PRKD3: variants seen among roughly 807,000 people sequenced by gnomAD.
The protein encoded by PRKD3 is protein kinase D3, also known as serine/threonine-protein kinase D3.
In PRKD3, 47 loss-of-function variants were observed where a neutral mutation model predicts 99.2. The observed-to-expected ratio is 0.47, with a 90% CI of 0.38 to 0.60. The LOEUF is 0.60. PRKD3 is among the 20% of genes least tolerant of loss of function. PRKD3 has a pLI of 0.00. For synonymous variants in PRKD3, 392 were observed against 355.4 expected, an observed-to-expected ratio of 1.10 and a Z score of -1.16; for missense variants, 1,019 against 1,088.4, an observed-to-expected ratio of 0.94 and a Z score of 0.90.
Position 37,279,848 on chromosome 2 carries a change from A to C in PRKD3, c.1070T>G (p.Leu357Trp). 2 of 1,613,216 alleles carry C rather than the reference A, an allele frequency of 1.2e-6. No homozygotes were observed. Among genetic ancestry groups the C allele is most frequent in the Non-Finnish European group, 1.7e-6 (2 of 1,179,290 alleles). ...GGGTGATGGCTCTTCTGTGTCATCCAAACCCCGACTACTATCACTATTTAT... is the reference window on the plus strand; with the variant it reads ...GGGTGATGGCTCTTCTGTGTCATCCCAACCCCGACTACTATCACTATTTAT... ...NDINSDSSRGLDDTEEPSPPE... is the reference protein window; with the variant it reads ...NDINSDSSRGWDDTEEPSPPE... The change falls in exon 8 of 19, where the codon TTG becomes TGG. Residue 357 changes from leucine to tryptophan, a missense_variant. Coordinates refer to ENST00000234179, the MANE Select transcript of PRKD3 (RefSeq NM_005813.6).
rs1225744551 is a variant in PRKD3, at chr2:37,280,052, CTCT to C, written c.989-126_989-124del. 6 of 591,770 alleles carry C rather than the reference CTCT, an allele frequency of 1.0e-5. No individual in the cohort carries two copies. In the East Asian group the frequency reaches 1.4e-4, roughly 14 times the overall value. The allele number at this position is 591,770 out of a possible 1,614,324, so 36.7% of individuals were successfully genotyped here. A position where few individuals can be genotyped will look rare whatever the true frequency, so the allele number is the denominator to read the frequency against. ...TCTTTATGAGTTAAGTAAAGTATTT[CTCT>C]TTTTTTTTTTTTTTGAGATAGAGTT... On this transcript the variant is annotated intron_variant, in intron 7 of 18. Coordinates refer to ENST00000234179, the MANE Select transcript of PRKD3 (RefSeq NM_005813.6).
At chr2:37,267,408 G>GT (rs1558535560) in intron 14 of PRKD3, 22 bp downstream of exon 14, 2 of 1,478,280 alleles carry the variant, frequency 1.4e-6, no homozygotes, top group African/African-American at 1.4e-5. Context: ...TAATAAACCA[G>GT]TTTTTTATTT....
chr2:37,279,546 T>C (rs934286463), intron 8 of PRKD3, among the ~76,000 whole-genome samples, 200 bp downstream of exon 8: 2 of 151,916 alleles, frequency 1.3e-5, no homozygotes, highest in African/African-American at 4.8e-5. Context: ...AGGATTCTCA[T>C]ACCTCCCCAT....
intron 2 of PRKD3, among the ~76,000 whole-genome samples, chr2:37,300,069 C>T (rs934554917): frequency 2.0e-5 from 3 of 152,142 alleles, no homozygotes; most frequent in Admixed American, 2.0e-4. Context: ...TATCCGCGAT[C>T]CCATGGTTAC....
chr2:37,262,505 A>G (rs1402984844), intron 14 of PRKD3, among the ~76,000 whole-genome samples: 1 of 152,256 alleles, frequency 6.6e-6, no homozygotes, highest in African/African-American at 2.4e-5. Flanking sequence ...TTTTCCAAGC[A>G]GCAAAATACA....
At position 37,253,007 on chromosome 2, in the gene PRKD3, T is replaced by G; in HGVS notation, c.*170A>C. On this transcript the variant is annotated 3_prime_UTR_variant, in exon 19 of 19. Coordinates refer to ENST00000234179, the MANE Select transcript of PRKD3 (RefSeq NM_005813.6). ...CCATTATGACTTCTTATTATTCAGT[T>G]TCCCGCCTGTACCTACTCATTATGA... is the stretch of plus-strand genomic sequence containing the variant. The G allele has an allele frequency of 1.8e-6, 1 of 543,876 alleles. No individual in the cohort carries two copies. Among genetic ancestry groups the G allele is most frequent in the Non-Finnish European group, 2.9e-6 (1 of 348,568 alleles). The allele number at this position is 543,876 out of a possible 1,614,324, so 33.7% of individuals were successfully genotyped here. A position where few individuals can be genotyped will look rare whatever the true frequency, so the allele number is the denominator to read the frequency against.
In PRKD3 at chr2:37,286,214, T is replaced by C; in HGVS notation, c.873A>G (p.Leu291=). The C allele has an allele frequency of 1.2e-6, 2 of 1,613,690 alleles. No individual in the cohort carries two copies. The highest frequency in any genetic ancestry group is 1.7e-6 in the Non-Finnish European group (2 of 1,179,726). ...TTCCTTGGCGAAAGAGGCCTTTCAG[T>C]AACCGCTTGCAGTACTGACATATCG... ...RPTICQYCKR[L]LKGLFRQGMQ... is the part of the protein sequence containing the mutation. The change falls in exon 6 of 19, where the codon TTA becomes TTG. Residue 291 remains leucine (L), a synonymous_variant. Transcript: ENST00000234179.
In PRKD3 at chr2:37,282,604, C is replaced by CATCAAACGCTGCA; in HGVS notation, c.925_926insTGCAGCGTTTGAT (p.Cys309LeufsTer7). ...TACTTTTGATGCACAGCGTTTATGG[C>CATCAAACGCTGCA]AGTTGAATTTGCAATCTAAAATGAA... On this transcript the variant is annotated frameshift_variant, in exon 7 of 19. Transcript: ENST00000234179. LOFTEE classifies it high-confidence loss of function. The CATCAAACGCTGCA allele has an allele frequency of 6.2e-7, 1 of 1,600,056 alleles. No individual in the cohort carries two copies. The highest frequency in any genetic ancestry group is 8.6e-7 in the Non-Finnish European group (1 of 1,167,484).
At chr2:37,300,249 C>T (rs1396834498) in intron 2 of PRKD3, among the ~76,000 whole-genome samples, 1 of 152,008 alleles carries the variant, frequency 6.6e-6, no homozygotes, top group African/African-American at 2.4e-5. Flanking sequence ...AATAACATTT[C>T]AGTTGGTGAA....
At chr2:37,255,763 T>C (rs1158138957) in intron 17 of PRKD3, among the ~76,000 whole-genome samples, 1 of 152,192 alleles carries the variant, frequency 6.6e-6, no homozygotes. Context: ...CCCAGCACTT[T>C]GGGAGGTCAA....
intron 12 of PRKD3, 40 bp from the exon 13 acceptor site, chr2:37,269,727 A>G (rs1669098431): frequency 5.8e-6 from 8 of 1,385,950 alleles, no homozygotes; most frequent in African/African-American, 1.4e-5. Context: ...ATTTATTTCT[A>G]TAATACAATG....
At chr2:37,284,606 G>A (rs2148562013) in intron 6 of PRKD3, among the ~76,000 whole-genome samples, 2 of 152,130 alleles carry the variant, frequency 1.3e-5, no homozygotes, top group South Asian at 4.2e-4. Flanking sequence ...ACATTTTTAG[G>A]TTGATATTTT....
At chr2:37,259,780 C>A in intron 15 of PRKD3, 99 bp from the exon 16 acceptor site, 1 of 786,710 alleles carries the variant, frequency 1.3e-6, no homozygotes, top group South Asian at 1.8e-5. Context: ...CACTATAGTT[C>A]ATCAAGACTT....
chr2:37,307,247 G>A (rs1029686148), intron 2 of PRKD3, among the ~76,000 whole-genome samples: 1 of 152,100 alleles, frequency 6.6e-6, no homozygotes, highest in Admixed American at 6.5e-5. Context: ...TATAACATTT[G>A]CCAGTAAAAT....
chr2:37,310,034 T>G (rs531807169), intron 2 of PRKD3, among the ~76,000 whole-genome samples: 3 of 152,156 alleles, frequency 2.0e-5, no homozygotes, highest in African/African-American at 7.2e-5. Flanking sequence ...GTAAAGCTAA[T>G]AGAAAACTGT....
At chr2:37,262,148 T>C (rs1668512752) in intron 14 of PRKD3, among the ~76,000 whole-genome samples, 1 of 152,178 alleles carries the variant, frequency 6.6e-6, no homozygotes, top group African/African-American at 2.4e-5. Context: ...CCTGTACATT[T>C]TTCTTTAGCT....
chr2:37,286,137 A>C (rs536960143), intron 6 of PRKD3, 40 bp downstream of exon 6: 1 of 1,478,418 alleles, frequency 6.8e-7, no homozygotes, highest in South Asian at 1.3e-5. Context: ...AATAACAAAA[A>C]CAGACATAAA....
At chr2:37,324,341 G>A (rs1572715920) in intron 1 of PRKD3, 1 of 482,024 alleles carries the variant, frequency 2.1e-6, no homozygotes. Context: ...GCCGGGCGCG[G>A]TGGTCTCCAG....
In PRKD3 at chr2:37,293,217, C is replaced by G; in HGVS notation, c.343G>C (p.Asp115His). 1 of 1,604,282 alleles carries G rather than the reference C, an allele frequency of 6.2e-7. No homozygotes were observed. Among genetic ancestry groups the G allele is most frequent in the Non-Finnish European group, 8.5e-7 (1 of 1,172,590 alleles). ...MYDKILLFRH[D>H]MNSENILQLI... ...TGCAAAATGTTTTCTGAGTTCATGTCATGGCGAAAGAGAAGAATTTTGTCA... is the reference window on the plus strand; with the variant it reads ...TGCAAAATGTTTTCTGAGTTCATGTGATGGCGAAAGAGAAGAATTTTGTCA... The change falls in exon 3 of 19, where the codon GAC (aspartate) becomes CAC (histidine). Residue 115 changes from aspartate (D) to histidine (H), a missense_variant. Asp to His is a moderately conservative substitution (Grantham distance 81). Coordinates refer to ENST00000234179, the MANE Select transcript of PRKD3 (RefSeq NM_005813.6).
Sources: gnomAD v4.1 joint callset for allele counts (sites outside exome capture counted in the v4.1 genomes callset) on GRCh38, gnomAD v4.1.1 for gene constraint, MANE v1.5 for transcripts, NCBI Gene and HGNC (gene_info 2026-07-23, HGNC 2026-07-21) for gene names.